Variants in GALNT13 observed in about 807,000 individuals in gnomAD.
GALNT13 encodes the protein polypeptide N-acetylgalactosaminyltransferase 13, also known as UDP-GalNAc:polypeptide N-acetylgalactosaminyltransferase 13.
In GALNT13, 28 loss-of-function variants were observed where a neutral mutation model predicts 64.2. The ratio of observed to expected loss-of-function variants is 0.44; its 90% CI spans 0.32 to 0.60. The LOEUF is 0.60. Ranked by LOEUF, GALNT13 falls within the 20% of genes least tolerant of loss-of-function variation. The pLI is 0.05. For synonymous variants in GALNT13, 214 were observed against 224.6 expected (o/e 0.95, Z 0.42); for missense variants, 577 against 669.8 (o/e 0.86, Z 1.53).
At chr2:154,334,513 C>T (rs989644739) in intron 9 of GALNT13, among the ~76,000 whole-genome samples, 5 of 151,974 alleles carry the variant, frequency 3.3e-5, no homozygotes, top group African/African-American at 1.2e-4. Context: ...TAGTTCTGAT[C>T]ATCTAACCTC....
At chr2:153,658,566 A>G in the GALNT13 span, among the ~76,000 whole-genome samples, 1 of 152,160 alleles carries the variant, frequency 6.6e-6, no homozygotes, top group Non-Finnish European at 1.5e-5. Context: ...ACATACAAGT[A>G]CTTTTATTTA....
chr2:154,052,664 C>T (rs6723894), intron 3 of GALNT13, among the ~76,000 whole-genome samples: 113,671 of 151,588 alleles, frequency 0.75, 42,971 homozygotes, highest in East Asian at 0.96. Flanking sequence ...TGTTGGTGTG[C>T]TGTGTTGGTG....
chr2:153,143,437 C>T, the GALNT13 span, among the ~76,000 whole-genome samples: 5 of 151,970 alleles, frequency 3.3e-5, no homozygotes, highest in Non-Finnish European at 5.9e-5. Context: ...TTCATCCTGC[C>T]TGTTTCCTTC....
the GALNT13 span, among the ~76,000 whole-genome samples, chr2:153,627,719 T>A: frequency 3.9e-4 from 59 of 152,250 alleles, 1 homozygote; most frequent in Non-Finnish European, 7.6e-4. Flanking sequence ...AAGGAGACTC[T>A]TCTCAACTGT....
At chr2:153,638,108 A>G in the GALNT13 span, among the ~76,000 whole-genome samples, 1 of 152,128 alleles carries the variant, frequency 6.6e-6, no homozygotes, top group Non-Finnish European at 1.5e-5. Flanking sequence ...AGGGAGGGGA[A>G]TGGCAAAATC....
the GALNT13 span, among the ~76,000 whole-genome samples, chr2:153,420,226 C>G: frequency 6.6e-6 from 1 of 151,996 alleles, no homozygotes; most frequent in African/African-American, 2.4e-5. Flanking sequence ...GGACCTTATG[C>G]TTAAAAATGG....
At chr2:154,120,715 T>A (rs528540930) in intron 3 of GALNT13, among the ~76,000 whole-genome samples, 5 of 152,286 alleles carry the variant, frequency 3.3e-5, no homozygotes, top group Admixed American at 6.5e-5. Flanking sequence ...TCCAAGGGCA[T>A]GGACACTAGC....
At chr2:153,896,138 A>G (rs1687879860) in intron 1 of GALNT13, among the ~76,000 whole-genome samples, 1 of 128,792 alleles carries the variant, frequency 7.8e-6, no homozygotes, top group African/African-American at 2.7e-5. Context: ...TAGAAAACTA[A>G]TTGTATAAGG....
the GALNT13 span, among the ~76,000 whole-genome samples, chr2:153,565,916 T>A: frequency 0.22 from 33,078 of 151,606 alleles, 3,968 homozygotes; most frequent in East Asian, 0.36. Context: ...TGAAAAAAAA[T>A]AAGTTCAAAA....
intron 3 of GALNT13, among the ~76,000 whole-genome samples, chr2:154,106,025 A>G (rs1237389808): frequency 2.6e-5 from 4 of 152,082 alleles, no homozygotes; most frequent in Non-Finnish European, 2.9e-5. Flanking sequence ...TCACTCACTC[A>G]GCTCTCATTC....
chr2:153,513,081 T>C, the GALNT13 span, among the ~76,000 whole-genome samples: 12,561 of 152,222 alleles, frequency 0.083, 561 homozygotes, highest in East Asian at 0.21. Flanking sequence ...TTTTAACCCA[T>C]AGCGTAAAAT....
the GALNT13 span, among the ~76,000 whole-genome samples, chr2:153,673,949 C>A: frequency 6.6e-6 from 1 of 152,132 alleles, no homozygotes; most frequent in African/African-American, 2.4e-5. Flanking sequence ...CTCCCATTCA[C>A]AATTACTACA....
chr2:154,013,124 G>C (rs980436639), intron 3 of GALNT13, among the ~76,000 whole-genome samples: 3 of 149,004 alleles, frequency 2.0e-5, no homozygotes, highest in African/African-American at 7.5e-5. Context: ...GAAGACACTG[G>C]CTTTTTGTGT....
chr2:154,076,682 G>T (rs1412856919), intron 3 of GALNT13, among the ~76,000 whole-genome samples: 2 of 151,636 alleles, frequency 1.3e-5, no homozygotes, highest in Non-Finnish European at 3.0e-5. Context: ...AACTGGGTGG[G>T]ATATATTAAC....
At chr2:154,456,153 T>C (rs1239754049), downstream of GALNT13, among the ~76,000 whole-genome samples, 3 of 149,784 alleles carry the variant, frequency 2.0e-5, no homozygotes, top group Non-Finnish European at 4.4e-5. Context: ...TTTTTGTTTT[T>C]TTTTTTTTGT....
intron 4 of GALNT13, among the ~76,000 whole-genome samples, chr2:154,185,011 G>T (rs190980427): frequency 6.6e-6 from 1 of 152,136 alleles, no homozygotes; most frequent in East Asian, 1.9e-4. Context: ...TTAACTAGAA[G>T]AACTTTCTTT....
chr2:153,894,051 G>A (rs1222153656), intron 1 of GALNT13, among the ~76,000 whole-genome samples: 2 of 152,080 alleles, frequency 1.3e-5, no homozygotes, highest in Non-Finnish European at 2.9e-5. Context: ...AGACAGAAGA[G>A]CCAATATTTT....
At chr2:154,057,604 C>G (rs1019744443) in intron 3 of GALNT13, among the ~76,000 whole-genome samples, 2 of 152,042 alleles carry the variant, frequency 1.3e-5, no homozygotes, top group African/African-American at 4.8e-5. Context: ...AATAGCGGAA[C>G]AAAGAGAAGT....
chr2:153,930,365 T>C (rs1036372405), intron 2 of GALNT13, among the ~76,000 whole-genome samples: 5 of 152,202 alleles, frequency 3.3e-5, no homozygotes, highest in Admixed American at 2.0e-4. Flanking sequence ...TTGTTTTTGT[T>C]GCAATTGCTT....
Sources: gnomAD v4.1 joint callset for allele counts (sites outside exome capture counted in the v4.1 genomes callset) on GRCh38, gnomAD v4.1.1 for gene constraint, MANE v1.5 for transcripts, NCBI Gene and HGNC (gene_info 2026-07-23, HGNC 2026-07-21) for gene names.